Variants in SH3D19 observed in about 807,000 individuals in gnomAD.
The protein encoded by SH3D19 is SH3 domain containing 19.
Under a neutral mutation model 112.1 loss-of-function variants are expected in SH3D19, and 58 were observed. The ratio of observed to expected loss-of-function variants is 0.52; its 90% confidence interval spans 0.42 to 0.64. SH3D19 has a LOEUF of 0.64. SH3D19 is among the 30% of genes least tolerant of loss of function. The probability of loss-of-function intolerance (pLI) is 0.00; values close to 1 mark genes in which losing one functional copy is unlikely to be tolerated. For missense variants in SH3D19, 1,090 were observed against 1,263.4 expected, an observed-to-expected ratio of 0.86 and a Z score of 2.08; for synonymous variants, 391 against 448.5, an observed-to-expected ratio of 0.87 and a Z score of 1.62.
intron 1 of SH3D19, among the ~76,000 whole-genome samples, chr4:151,318,872 T>A (rs916987709): frequency 6.6e-6 from 1 of 152,222 alleles, no homozygotes; most frequent in Non-Finnish European, 1.5e-5. Context: ...ATACCCACCA[T>A]GGACTACTTT....
rs538205875 is a variant in SH3D19 at position 151,197,563 on chromosome 4, C to T, written c.153-10100G>A. The stretch of plus-strand genomic sequence containing the variant: ...TATTTGGGAAGAGCCTTAACCTCAA[C>T]ATGTGATATTTTCAAACGAGAGCAT... On this transcript the variant is annotated intron_variant, in intron 2 of 19. Transcript: ENST00000604030. 3.2e-4 allele frequency among the ~76,000 whole-genome samples: 49 copies of T among 152,308 alleles called. 1 individual carries two copies. The highest frequency in any genetic ancestry group is 8.7e-4 in the African/African-American group (36 of 41,554).
intron 1 of SH3D19, among the ~76,000 whole-genome samples, chr4:151,255,129 C>A (rs1032222790): frequency 2.0e-5 from 3 of 150,446 alleles, no homozygotes; most frequent in Admixed American, 6.6e-5. Context: ...GGGGGCTGAC[C>A]CCCCCCACCT....
intron 17 of SH3D19, among the ~76,000 whole-genome samples, chr4:151,131,476 ATTCTTTTT>A (rs952756892): frequency 4.7e-5 from 7 of 147,442 alleles, no homozygotes; most frequent in Middle Eastern, 3.5e-3. Context: ...TCTTTTATGA[ATTCTTTTT>A]TTCTTTTTTT....
In SH3D19 at chr4:151,137,852, A is replaced by G; in HGVS notation, c.2307T>C (p.Asp769=). ...TTTCTCCAGAAGTGAGGTTCAAATC[A>G]TCAACTTGCTCTGTAATATAAAATT... The part of the protein sequence containing the change: ...VLHDFPAEQV[D]DLNLTSGEIV... Residue 769 remains aspartate (D), a synonymous_variant, in exon 14 of 20, where the codon GAT becomes GAC. Transcript: ENST00000604030. The G allele has an allele frequency of 6.2e-7, 1 of 1,602,532 alleles. No homozygotes were observed. The highest frequency in any genetic ancestry group is 8.5e-7 in the Non-Finnish European group (1 of 1,176,672).
intron 12 of SH3D19, 197 bp from the exon 13 acceptor site, chr4:151,140,044 G>A (rs1440829906): frequency 3.8e-6 from 2 of 530,544 alleles, no homozygotes; most frequent in Non-Finnish European, 6.6e-6. Context: ...CTTGCTAAGG[G>A]AGGATGAAAA....
intron 1 of SH3D19, among the ~76,000 whole-genome samples, chr4:151,292,604 T>G (rs535853476): frequency 1.3e-5 from 2 of 152,356 alleles, no homozygotes; most frequent in South Asian, 4.1e-4. Context: ...CTTCTATACC[T>G]AGGCTGCCAG....
At chr4:151,126,196 A>G (rs1209207048) in intron 19 of SH3D19, among the ~76,000 whole-genome samples, 1 of 152,088 alleles carries the variant, frequency 6.6e-6, no homozygotes, top group Non-Finnish European at 1.5e-5. Context: ...AAGTGTTGGG[A>G]TTAGAGGTGT....
intron 1 of SH3D19, among the ~76,000 whole-genome samples, chr4:151,301,066 T>C (rs1728366906): frequency 6.6e-6 from 1 of 152,208 alleles, no homozygotes; most frequent in African/African-American, 2.4e-5. Flanking sequence ...TGATACGGTT[T>C]GGATCTGTGT....
intron 3 of SH3D19, among the ~76,000 whole-genome samples, chr4:151,184,098 A>G (rs1051252133): frequency 3.3e-5 from 5 of 152,226 alleles, no homozygotes; most frequent in African/African-American, 1.2e-4. Flanking sequence ...AGATGTATCC[A>G]ATTAGGATAC....
chr4:151,179,299 C>T (rs572384869), intron 4 of SH3D19, 56 bp downstream of exon 4: 916 of 1,007,204 alleles, frequency 9.1e-4, no homozygotes, highest in Non-Finnish European at 1.1e-3. Flanking sequence ...CCTGATAACA[C>T]ACTTTTACTC....
Position 151,213,191 on chromosome 4 carries a change from A to C in SH3D19, c.152+12856T>G, listed in dbSNP as rs181168239. Among the ~76,000 whole-genome samples, 194 of 152,358 alleles carry C rather than the reference A, an allele frequency of 1.3e-3. 2 individuals are homozygous for C. Among genetic ancestry groups the C allele is most frequent in the Admixed American group, 4.4e-3 (67 of 15,298 alleles). ...GAAACGACAACAAAGGATTTAGAAT[A>C]AATTTAGTTGATAAAGCAGTGGTAG... On this transcript the variant is annotated intron_variant, in intron 2 of 19. Coordinates refer to ENST00000604030, the MANE Select transcript of SH3D19 (RefSeq NM_001378122.1).
At chr4:151,148,804 C>A (rs1754407912) in intron 10 of SH3D19, among the ~76,000 whole-genome samples, 1 of 152,120 alleles carries the variant, frequency 6.6e-6, no homozygotes, top group Non-Finnish European at 1.5e-5. Flanking sequence ...CTTTGGGAGG[C>A]CCAGATGGAC....
chr4:151,154,423 T>A (rs1456321633), intron 9 of SH3D19, among the ~76,000 whole-genome samples: 1 of 146,058 alleles, frequency 6.8e-6, no homozygotes. Context: ...CTTGAACCAT[T>A]GCGCCCGGCC....
At chr4:151,163,736 A>G (rs937986381) in intron 8 of SH3D19, among the ~76,000 whole-genome samples, 4 of 151,876 alleles carry the variant, frequency 2.6e-5, no homozygotes, top group African/African-American at 9.7e-5. Flanking sequence ...GTGTGCCACC[A>G]TGCTTGGCTA....
At chr4:151,287,804 C>T (rs1020740349) in intron 1 of SH3D19, among the ~76,000 whole-genome samples, 3 of 152,050 alleles carry the variant, frequency 2.0e-5, no homozygotes, top group Admixed American at 1.3e-4. Context: ...CACTTGAGAC[C>T]GGGAGGTCGA....
intron 1 of SH3D19, among the ~76,000 whole-genome samples, chr4:151,314,939 G>A (rs1729846266): frequency 6.6e-6 from 1 of 152,128 alleles, no homozygotes; most frequent in African/African-American, 2.4e-5. Flanking sequence ...GCAGTTGAGT[G>A]AACCCCCTTT....
At chr4:151,179,868 T>A (rs1760569469) in intron 3 of SH3D19, among the ~76,000 whole-genome samples, 1 of 152,242 alleles carries the variant, frequency 6.6e-6, no homozygotes, top group East Asian at 1.9e-4. Flanking sequence ...TGACATTTTA[T>A]AACCTTTAAG....
At chr4:151,318,197 A>T (rs1730183872) in intron 1 of SH3D19, among the ~76,000 whole-genome samples, 1 of 146,660 alleles carries the variant, frequency 6.8e-6, no homozygotes, top group African/African-American at 2.5e-5. Flanking sequence ...GCTCCTTGGG[A>T]GGCCGAGGCA....
At chr4:151,279,682 C>T in intron 1 of SH3D19, 1 of 972,156 alleles carries the variant, frequency 1.0e-6, no homozygotes, top group Non-Finnish European at 1.6e-6. Flanking sequence ...AGTATGGTGT[C>T]TAGGGAGGGT....
Sources: gnomAD v4.1 joint callset for allele counts (sites outside exome capture counted in the v4.1 genomes callset) on GRCh38, gnomAD v4.1.1 for gene constraint, MANE v1.5 for transcripts, NCBI Gene and HGNC (gene_info 2026-07-23, HGNC 2026-07-21) for gene names.